The following FARP1 variants were observed in gnomAD, a reference collection of about 807,000 sequenced individuals.
FARP1 encodes the protein FERM, ARH/RhoGEF and pleckstrin domain protein 1, also known as FERM, ARHGEF and pleckstrin domain-containing protein 1.
In FARP1, 52 loss-of-function variants were observed where a neutral mutation model predicts 128.8. That is an observed-to-expected ratio of 0.40 (90% CI 0.32 to 0.51). The LOEUF is 0.51. Ranked by LOEUF, FARP1 falls within the 20% of genes least tolerant of loss-of-function variation. FARP1 has a pLI of 0.45. For synonymous variants in FARP1, 580 were observed against 551.8 expected (o/e 1.05, Z -0.72); for missense variants, 1,333 against 1,367.9 (o/e 0.97, Z 0.40).
chr13:98,270,493 G>A (rs182078280), intron 2 of FARP1, among the ~76,000 whole-genome samples: 3 of 152,280 alleles, frequency 2.0e-5, no homozygotes, highest in East Asian at 1.9e-4. Context: ...ATGCCTCAGC[G>A]TATCTTCCTT....
intron 2 of FARP1, among the ~76,000 whole-genome samples, chr13:98,252,185 A>C (rs185939420): frequency 6.6e-6 from 1 of 152,266 alleles, no homozygotes; most frequent in African/African-American, 2.4e-5. Flanking sequence ...AATATGTATT[A>C]TATTAGCATA....
rs1315871925 is a variant in FARP1 at position 98,274,691 on chromosome 13, A to T, written c.171+61278A>T. Among the ~76,000 whole-genome samples, 3 of 152,206 alleles carry T rather than the reference A, an allele frequency of 2.0e-5. No individual in the cohort carries two copies. The East Asian group carries it at 5.8e-4, about 29-fold the overall frequency. On this transcript the variant is annotated intron_variant, in intron 2 of 26. Coordinates refer to ENST00000319562, the MANE Select transcript of FARP1 (RefSeq NM_005766.4). Reference sequence around the variant, plus strand: ...CCTCCCCAGCAGACTTCCTAAAATCAAAGTGACCGGATGGTCCCATTGAGA... The same window carrying T: ...CCTCCCCAGCAGACTTCCTAAAATCTAAGTGACCGGATGGTCCCATTGAGA...
Position 98,448,434 on chromosome 13 carries a change from C to T in FARP1, c.*117C>T. The T allele has an allele frequency of 1.2e-6, 1 of 840,708 alleles. No homozygotes were observed. Among genetic ancestry groups the T allele is most frequent in the Admixed American group, 2.0e-5 (1 of 50,096 alleles). The allele number at this position is 840,708 out of a possible 1,614,324, so 52.1% of individuals were successfully genotyped here. A position where few individuals can be genotyped will look rare whatever the true frequency, so the allele number is the denominator to read the frequency against. The stretch of plus-strand genomic sequence containing the variant: ...TCTGAAAATCAAAAACATGGCTTCC[C>T]AGCAGCTCTCCTGTCTCCACAGCCG... On this transcript the variant is annotated 3_prime_UTR_variant, in exon 27 of 27. Transcript: ENST00000319562.
intron 13 of FARP1, chr13:98,402,472 C>G (rs1372336053): frequency 6.6e-6 from 1 of 152,120 alleles, no homozygotes; most frequent in Admixed American, 6.6e-5. Flanking sequence ...CACTTAGGAG[C>G]CTGCAGTGGC....
At chr13:98,356,959 A>C (rs1888670526) in intron 3 of FARP1, among the ~76,000 whole-genome samples, 1 of 152,108 alleles carries the variant, frequency 6.6e-6, no homozygotes, top group Non-Finnish European at 1.5e-5. Flanking sequence ...TTAAATCCCC[A>C]GCAATATTCT....
intron 2 of FARP1, among the ~76,000 whole-genome samples, chr13:98,320,793 A>G (rs1314887380): frequency 2.0e-5 from 3 of 152,204 alleles, no homozygotes; most frequent in Non-Finnish European, 4.4e-5. Flanking sequence ...GTGGGTTGAT[A>G]TGAGCTGCCA....
At chr13:98,234,157 G>A (rs926462167) in intron 2 of FARP1, 9 of 152,170 alleles carry the variant, frequency 5.9e-5, no homozygotes, top group African/African-American at 2.2e-4. Flanking sequence ...AAGGACTCTG[G>A]CCCTGGCTTG....
At chr13:98,336,200 T>C (rs1305518311) in intron 2 of FARP1, among the ~76,000 whole-genome samples, 1 of 152,232 alleles carries the variant, frequency 6.6e-6, no homozygotes, top group Non-Finnish European at 1.5e-5. Context: ...AACTTTGTTA[T>C]AGAAATAACC....
At chr13:98,310,644 C>A (rs77554327) in intron 2 of FARP1, among the ~76,000 whole-genome samples, 3,783 of 152,056 alleles carry the variant, frequency 0.025, 124 homozygotes, top group African/African-American at 0.076. Context: ...GGATGAAACT[C>A]GTGGGCTGTC....
At chr13:98,287,261 T>G (rs1346894309) in intron 2 of FARP1, among the ~76,000 whole-genome samples, 1 of 133,596 alleles carries the variant, frequency 7.5e-6, no homozygotes, top group Non-Finnish European at 1.5e-5. Flanking sequence ...GATGGAGTCT[T>G]GCTCTCTCTC....
intron 1 of FARP1, among the ~76,000 whole-genome samples, chr13:98,179,199 C>T (rs1480171128): frequency 5.2e-5 from 7 of 135,618 alleles, no homozygotes; most frequent in South Asian, 2.5e-4. Context: ...AGGCATGTCT[C>T]GCATGGCAGC....
At chr13:98,272,372 C>T (rs1298134550) in intron 2 of FARP1, among the ~76,000 whole-genome samples, 2 of 152,050 alleles carry the variant, frequency 1.3e-5, no homozygotes, top group African/African-American at 2.4e-5. Flanking sequence ...CCCTTTTGCA[C>T]GCTAATGGAA....
At chr13:98,163,674 C>A (rs1377114297) in intron 1 of FARP1, among the ~76,000 whole-genome samples, 2 of 151,126 alleles carry the variant, frequency 1.3e-5, no homozygotes, top group African/African-American at 4.9e-5. Context: ...ATGGTATCAT[C>A]CAGTGGTGGC....
intron 1 of FARP1, among the ~76,000 whole-genome samples, chr13:98,150,251 A>T (rs890190396): frequency 6.6e-6 from 1 of 151,464 alleles, no homozygotes; most frequent in Non-Finnish European, 1.5e-5. Context: ...AGCTGGTCTC[A>T]AACTCCTGAC....
chr13:98,251,829 T>C (rs1344998339), intron 2 of FARP1, among the ~76,000 whole-genome samples: 1 of 152,072 alleles, frequency 6.6e-6, no homozygotes, highest in Non-Finnish European at 1.5e-5. Context: ...GATAGTAATA[T>C]AGCTAATTGT....
At position 98,447,157 on chromosome 13, in the gene FARP1, C is replaced by CAAGA. The variant is rs555508583; in HGVS notation, c.3056+347_3056+350dup. 4.0e-4 allele frequency: 85 copies of CAAGA among 212,522 alleles called. 2 individuals carry two copies. In the East Asian group the frequency reaches 9.4e-3, roughly 24 times the overall value. The allele number at this position is 212,522 out of a possible 1,614,324, so 13.2% of individuals were successfully genotyped here. On this transcript the variant is annotated intron_variant, in intron 26 of 26. Transcript: ENST00000319562. Reference sequence around the variant, plus strand: ...GCAGGGACTGCAGACTTCATTTAGCCAAGAAAGAAATGCAACAGTCAGGCC... The same window carrying CAAGA: ...GCAGGGACTGCAGACTTCATTTAGCCAAGAAAGAAAGAAATGCAACAGTCAGGCC...
At chr13:98,312,135 CTTTTTTT>C (rs60890411) in intron 2 of FARP1, among the ~76,000 whole-genome samples, 1 of 86,120 alleles carries the variant, frequency 1.2e-5, no homozygotes, top group East Asian at 3.7e-4. Context: ...GTGGTAACTG[CTTTTTTT>C]TTTTTTTTTT....
In FARP1 at chr13:98,394,252, T is replaced by G. The variant is rs542159107; in HGVS notation, c.1164+534T>G. 1.2e-3 allele frequency among the ~76,000 whole-genome samples: 189 copies of G among 152,302 alleles called. 1 individual carries two copies. The highest frequency in any genetic ancestry group is 6.6e-4 in the Non-Finnish European group (45 of 68,032). On this transcript the variant is annotated intron_variant, in intron 12 of 26. Coordinates refer to ENST00000319562, the MANE Select transcript of FARP1 (RefSeq NM_005766.4). ...GCTCGTTTTCCCTGGAGTTGGTCTC[T>G]GGGTAAGTTCTCAGGGCTTTCTCTA...
chr13:98,343,610 GGGC>G, intron 2 of FARP1, 149 bp from the exon 3 acceptor site: 1 of 632,356 alleles, frequency 1.6e-6, no homozygotes, highest in Non-Finnish European at 2.8e-6. Flanking sequence ...GGTGTAGATG[GGGC>G]TGGCGTTCAG....
Sources: allele counts gnomAD v4.1 joint callset (sites outside exome capture counted in the v4.1 genomes callset), GRCh38; gene constraint gnomAD v4.1.1; transcripts MANE v1.5; gene names NCBI Gene and HGNC (gene_info 2026-07-23, HGNC 2026-07-21).